Variants in DLGAP2 observed in about 807,000 individuals in gnomAD.
DLGAP2 encodes DLG associated protein 2.
DLGAP2 carries 26 observed loss-of-function variants against 100.3 expected under a neutral mutation model. That is an observed-to-expected ratio of 0.26 (90% CI 0.19 to 0.36). DLGAP2 has a LOEUF of 0.36. DLGAP2 is among the 10% of genes least tolerant of loss of function. The pLI, the probability that DLGAP2 is intolerant of heterozygous loss-of-function variation, is 1.00. For missense variants in DLGAP2, 1,858 were observed against 1,453.2 expected (o/e 1.28, Z -4.53); for synonymous variants, 886 against 630.1 (o/e 1.41, Z -6.08).
intron 12 of DLGAP2, among the ~76,000 whole-genome samples, chr8:1,681,715 G>A (rs1485059452): frequency 6.6e-6 from 1 of 152,196 alleles, no homozygotes; most frequent in Non-Finnish European, 1.5e-5. Flanking sequence ...GCCCTGTGCC[G>A]AATGCACTGC....
intron 6 of DLGAP2, among the ~76,000 whole-genome samples, chr8:1,626,314 G>C (rs1330251295): frequency 3.1e-5 from 4 of 128,692 alleles, no homozygotes; most frequent in Non-Finnish European, 6.6e-5. Context: ...TGGGTGCTCA[G>C]CCTCTGGGTG....
chr8:1,026,777 CGT>C (rs1186271005), intron 2 of DLGAP2, among the ~76,000 whole-genome samples: 3 of 152,170 alleles, frequency 2.0e-5, no homozygotes, highest in Non-Finnish European at 2.9e-5. Flanking sequence ...ATCAGTGCTA[CGT>C]ATTCTATGCT....
chr8:1,452,395 C>T (rs555092160), intron 3 of DLGAP2, among the ~76,000 whole-genome samples: 58 of 152,330 alleles, frequency 3.8e-4, no homozygotes, highest in South Asian at 1.4e-3. Context: ...GCTATGCGTG[C>T]GACAGGTTCA....
At chr8:813,504 C>G (rs928900713) in intron 1 of DLGAP2, among the ~76,000 whole-genome samples, 20 of 152,092 alleles carry the variant, frequency 1.3e-4, no homozygotes, top group African/African-American at 4.6e-4. Context: ...TTCCAGGCAC[C>G]CTTGAGGTGT....
chr8:1,027,272 C>T lies in DLGAP2; in HGVS notation c.73+119306C>T, dbSNP rs1215076176. On this transcript the variant is annotated intron_variant, in intron 2 of 14. Coordinates refer to ENST00000637795, the MANE Select transcript of DLGAP2 (RefSeq NM_001346810.2). ...AATCCAGCACATATTAGTTACACGC[C>T]CGTGGTGCTGCAGGTGAGGTGCCGG... 2.0e-5 allele frequency among the ~76,000 whole-genome samples: 3 copies of T among 152,344 alleles called. No homozygotes were observed. In the East Asian group the frequency reaches 5.8e-4, roughly 29 times the overall value.
intron 1 of DLGAP2, among the ~76,000 whole-genome samples, chr8:855,307 T>C (rs906023042): frequency 1.3e-5 from 2 of 150,774 alleles, no homozygotes; most frequent in South Asian, 2.1e-4. Context: ...CTGTTTTCTA[T>C]TAATTCATGT....
intron 3 of DLGAP2, among the ~76,000 whole-genome samples, chr8:1,293,629 A>T (rs1800107375): frequency 6.6e-6 from 1 of 152,176 alleles, no homozygotes; most frequent in Non-Finnish European, 1.5e-5. Context: ...TCCAATTTGA[A>T]CAGAAAAAAA....
chr8:770,312 C>G (rs1000137911), intron 1 of DLGAP2, among the ~76,000 whole-genome samples: 3 of 152,118 alleles, frequency 2.0e-5, no homozygotes, highest in African/African-American at 7.2e-5. Flanking sequence ...AGGCCTTGCT[C>G]CTCCTCCGTG....
intron 3 of DLGAP2, among the ~76,000 whole-genome samples, chr8:1,311,682 A>C (rs79658977): frequency 0.059 from 8,848 of 150,662 alleles, 319 homozygotes; most frequent in Middle Eastern, 0.17. Context: ...GTGTCTGACA[A>C]AATCTCATAA....
At chr8:1,620,734 C>T (rs1290951649) in intron 6 of DLGAP2, among the ~76,000 whole-genome samples, 1 of 152,146 alleles carries the variant, frequency 6.6e-6, no homozygotes, top group Non-Finnish European at 1.5e-5. Context: ...GGGTCTGTGT[C>T]CAGGACACCA....
At chr8:1,694,979 C>T (rs113664993) in intron 13 of DLGAP2, among the ~76,000 whole-genome samples, 3,823 of 152,262 alleles carry the variant, frequency 0.025, 68 homozygotes, top group Admixed American at 0.04. Flanking sequence ...AGGCTGTGCC[C>T]GTCCGGCCCC....
chr8:1,184,899 A>G (rs749374027), intron 2 of DLGAP2, among the ~76,000 whole-genome samples: 1 of 152,160 alleles, frequency 6.6e-6, no homozygotes, highest in Admixed American at 6.5e-5. Context: ...CTGTGTTGCA[A>G]AGGTGACTCA....
intron 2 of DLGAP2, among the ~76,000 whole-genome samples, chr8:1,258,318 G>A (rs570486235): frequency 3.9e-4 from 60 of 152,238 alleles, no homozygotes; most frequent in African/African-American, 1.3e-3. Context: ...TATATTCGCT[G>A]TGTGCATGTG....
intron 1 of DLGAP2, among the ~76,000 whole-genome samples, chr8:825,746 A>C (rs1796675018): frequency 6.6e-6 from 1 of 152,184 alleles, no homozygotes; most frequent in Admixed American, 6.5e-5. Flanking sequence ...TTTATGGGCT[A>C]CTTGGGATAT....
chr8:1,110,714 CTTT>C lies in DLGAP2; in HGVS notation c.74-148121_74-148119del, dbSNP rs10573688. On this transcript the variant is annotated intron_variant, in intron 2 of 14. Coordinates refer to ENST00000637795, the MANE Select transcript of DLGAP2 (RefSeq NM_001346810.2). ...TCCATTTTCAGGGAAGATTTATAGCCTTTTTTTTTTTTTTTTTTGAGAGACATT... is the reference window on the plus strand; with the variant it reads ...TCCATTTTCAGGGAAGATTTATAGCCTTTTTTTTTTTTTTTGAGAGACATT... Among the ~76,000 whole-genome samples the C allele has an allele frequency of 5.7e-3, 733 of 127,816 alleles. 2 individuals are homozygous for C. The highest frequency in any genetic ancestry group is 0.011 in the African/African-American group (382 of 34,378). The allele number at this position is 127,816 out of a possible 152,430, so 83.9% of individuals were successfully genotyped here.
At chr8:1,569,702 G>A (rs1802573249) in intron 6 of DLGAP2, among the ~76,000 whole-genome samples, 1 of 152,234 alleles carries the variant, frequency 6.6e-6, no homozygotes, top group Non-Finnish European at 1.5e-5. Flanking sequence ...CATGACTCAG[G>A]GAAATGAGGT....
intron 3 of DLGAP2, among the ~76,000 whole-genome samples, chr8:1,458,003 TATATATATA>T (rs1798366696): frequency 9.2e-6 from 1 of 108,420 alleles, no homozygotes; most frequent in African/African-American, 3.2e-5. Context: ...TATATATATA[TATATATATA>T]TAATTTTTTA....
chr8:1,172,281 G>T (rs917022990), intron 2 of DLGAP2, among the ~76,000 whole-genome samples: 1 of 152,080 alleles, frequency 6.6e-6, no homozygotes, highest in Non-Finnish European at 1.5e-5. Context: ...TTCCCTTTGT[G>T]GGTAACCCGA....
chr8:1,054,826 G>T (rs941487240), intron 2 of DLGAP2, among the ~76,000 whole-genome samples: 1 of 152,128 alleles, frequency 6.6e-6, no homozygotes, highest in East Asian at 1.9e-4. Flanking sequence ...CAAATTGTAA[G>T]GAAAAACCAT....
Sources: gnomAD v4.1 joint callset for allele counts (sites outside exome capture counted in the v4.1 genomes callset) on GRCh38, gnomAD v4.1.1 for gene constraint, MANE v1.5 for transcripts, NCBI Gene and HGNC (gene_info 2026-07-23, HGNC 2026-07-21) for gene names.